DACH1: variants seen among roughly 807,000 people sequenced by gnomAD.
The protein encoded by DACH1 is dachshund family transcription factor 1.
Under a neutral mutation model 54.2 loss-of-function variants are expected in DACH1, and 12 were observed. That is an observed-to-expected ratio of 0.22 (90% CI 0.14 to 0.36). The LOEUF (loss-of-function observed/expected upper bound fraction) is 0.36, where lower values mean the gene tolerates loss of function less well. Ranked by LOEUF, DACH1 falls within the 10% of genes least tolerant of loss-of-function variation. DACH1 has a pLI of 1.00. For synonymous variants in DACH1, 386 were observed against 366.2 expected (o/e 1.05, Z -0.62); for missense variants, 805 against 929.8 (o/e 0.87, Z 1.75).
rs190493482 is a variant in DACH1 at position 71,609,683 on chromosome 13, G to A, written c.1126+20873C>T. Among the ~76,000 whole-genome samples, 47 of 151,888 alleles carry A rather than the reference G, an allele frequency of 3.1e-4. 1 individual carries two copies. The East Asian group carries it at 8.4e-3, about 27-fold the overall frequency. The stretch of plus-strand genomic sequence containing the variant: ...TGGGATTACACGTGCTCACCAACAC[G>A]CCCGGCTAACTTTGTATATTTTTAG... On this transcript the variant is annotated intron_variant, in intron 3 of 10. Transcript: ENST00000613252.
chr13:71,691,947 G>A (rs1232202152), intron 1 of DACH1, among the ~76,000 whole-genome samples: 1 of 151,656 alleles, frequency 6.6e-6, no homozygotes, highest in Non-Finnish European at 1.5e-5. Context: ...GCAGGAGTTT[G>A]TCAACTGAAG....
chr13:71,742,808 T>C (rs1212642648), intron 1 of DACH1, among the ~76,000 whole-genome samples: 1 of 152,146 alleles, frequency 6.6e-6, no homozygotes, highest in Non-Finnish European at 1.5e-5. Flanking sequence ...GGGATCAGTA[T>C]AGACAACTTA....
At chr13:71,692,504 T>C (rs2138726639) in intron 1 of DACH1, among the ~76,000 whole-genome samples, 1 of 131,836 alleles carries the variant, frequency 7.6e-6, no homozygotes, top group East Asian at 2.2e-4. Context: ...TTCTTTTCTT[T>C]CCTTTTTTTT....
intron 1 of DACH1, among the ~76,000 whole-genome samples, chr13:71,782,872 A>G (rs1490329909): frequency 6.6e-6 from 1 of 152,176 alleles, no homozygotes; most frequent in Non-Finnish European, 1.5e-5. Flanking sequence ...GCCAAAGTTG[A>G]AATTATTTTA....
intron 3 of DACH1, among the ~76,000 whole-genome samples, chr13:71,587,947 T>C (rs1162418473): frequency 6.6e-6 from 1 of 152,144 alleles, no homozygotes; most frequent in Non-Finnish European, 1.5e-5. Context: ...AATGATTCTG[T>C]ATCAATTACA....
chr13:71,520,805 A>T (rs938637108), intron 6 of DACH1, among the ~76,000 whole-genome samples: 1 of 151,930 alleles, frequency 6.6e-6, no homozygotes, highest in East Asian at 1.9e-4. Flanking sequence ...AGGGAAATTT[A>T]AAATCAATAT....
At chr13:71,643,364 CA>C (rs1189012979) in intron 2 of DACH1, among the ~76,000 whole-genome samples, 1 of 152,126 alleles carries the variant, frequency 6.6e-6, no homozygotes, top group African/African-American at 2.4e-5. Flanking sequence ...TTAGAAAATT[CA>C]AACATAACTT....
chr13:71,509,939 A>G (rs1880638732), intron 6 of DACH1, among the ~76,000 whole-genome samples: 1 of 152,054 alleles, frequency 6.6e-6, no homozygotes, highest in African/African-American at 2.4e-5. Flanking sequence ...ATTCTAGTCA[A>G]CTTTTTATTC....
chr13:71,486,808 T>C (rs562823648), intron 7 of DACH1, among the ~76,000 whole-genome samples: 6 of 147,766 alleles, frequency 4.1e-5, no homozygotes, highest in South Asian at 2.1e-4. Flanking sequence ...ATTTATTTAT[T>C]TATTTATCTA....
chr13:71,668,231 T>G (rs1376245158), intron 2 of DACH1, among the ~76,000 whole-genome samples: 1 of 152,146 alleles, frequency 6.6e-6, no homozygotes, highest in South Asian at 2.1e-4. Context: ...CATTTGTAAA[T>G]TAAACCCAAA....
chr13:71,655,878 C>T (rs1879059110), intron 2 of DACH1, among the ~76,000 whole-genome samples: 1 of 152,010 alleles, frequency 6.6e-6, no homozygotes, highest in Admixed American at 6.6e-5. Context: ...AAAATGTCAA[C>T]ATGGTCTAAA....
At chr13:71,702,028 C>CA (rs896302405) in intron 1 of DACH1, among the ~76,000 whole-genome samples, 7 of 151,698 alleles carry the variant, frequency 4.6e-5, no homozygotes, top group African/African-American at 1.7e-4. Context: ...TCTTCTTATC[C>CA]AAAAAAATAA....
At chr13:71,721,568 G>A (rs1467795635) in intron 1 of DACH1, among the ~76,000 whole-genome samples, 1 of 152,020 alleles carries the variant, frequency 6.6e-6, no homozygotes, top group African/African-American at 2.4e-5. Flanking sequence ...AACAGTCTAC[G>A]TTTCATTTGC....
chr13:71,634,333 T>C (rs962304245), intron 2 of DACH1, among the ~76,000 whole-genome samples: 4 of 152,114 alleles, frequency 2.6e-5, no homozygotes, highest in African/African-American at 9.7e-5. Context: ...CCAGTGCTTC[T>C]CATGGCTGTC....
chr13:71,536,001 A>C (rs1490379482), intron 6 of DACH1, among the ~76,000 whole-genome samples: 13 of 152,018 alleles, frequency 8.6e-5, no homozygotes, highest in Admixed American at 8.5e-4. Flanking sequence ...TTAAATGATT[A>C]ATTCTCATAT....
chr13:71,611,173 G>A (rs1334180330), intron 3 of DACH1, among the ~76,000 whole-genome samples: 1 of 152,084 alleles, frequency 6.6e-6, no homozygotes, highest in African/African-American at 2.4e-5. Flanking sequence ...TCTTCATCAA[G>A]GGAGAACACT....
At chr13:71,539,357 GT>G (rs1458670767) in intron 6 of DACH1, among the ~76,000 whole-genome samples, 1 of 151,952 alleles carries the variant, frequency 6.6e-6, no homozygotes, top group Non-Finnish European at 1.5e-5. Context: ...CAAAGATTAG[GT>G]TGTGTGCACC....
intron 1 of DACH1, among the ~76,000 whole-genome samples, chr13:71,743,514 C>T (rs953995042): frequency 2.0e-5 from 3 of 152,168 alleles, no homozygotes; most frequent in African/African-American, 7.2e-5. Flanking sequence ...GAGGTAGATA[C>T]ATCCTTCCTC....
intron 1 of DACH1, among the ~76,000 whole-genome samples, chr13:71,712,456 A>G (rs1882764412): frequency 6.6e-6 from 1 of 152,132 alleles, no homozygotes; most frequent in Non-Finnish European, 1.5e-5. Flanking sequence ...TTATAGGCTC[A>G]GAGGACAAAA....
Sources: allele counts gnomAD v4.1 joint callset (sites outside exome capture counted in the v4.1 genomes callset), GRCh38; gene constraint gnomAD v4.1.1; transcripts MANE v1.5; gene names NCBI Gene and HGNC (gene_info 2026-07-23, HGNC 2026-07-21).